ZNRF2: variants seen among roughly 807,000 people sequenced by gnomAD.
ZNRF2 encodes the protein E3 ubiquitin-protein ligase ZNRF2.
ZNRF2 carries 16 observed loss-of-function variants against 20.4 expected under a neutral mutation model. The ratio of observed to expected loss-of-function variants is 0.79; its 90% CI spans 0.53 to 1.19. The LOEUF is 1.19. Ranked by LOEUF, ZNRF2 falls within the 50% of genes most tolerant of loss-of-function variation. The pLI is 0.00. For missense variants in ZNRF2, 363 were observed against 332.4 expected, an observed-to-expected ratio of 1.09 and a Z score of -0.72; for synonymous variants, 178 against 144.9, an observed-to-expected ratio of 1.23 and a Z score of -1.64.
At chr7:30,337,911 T>G (rs1799740838) in intron 2 of ZNRF2, among the ~76,000 whole-genome samples, 1 of 152,116 alleles carries the variant, frequency 6.6e-6, no homozygotes, top group Admixed American at 6.5e-5. Flanking sequence ...TACTACCAGT[T>G]TCTTGTGATC....
At chr7:30,294,785 A>AG (rs1429154928) in intron 1 of ZNRF2, among the ~76,000 whole-genome samples, 1 of 152,048 alleles carries the variant, frequency 6.6e-6, no homozygotes, top group Non-Finnish European at 1.5e-5. Context: ...ACTCCATCTC[A>AG]GAAAAAAAAA....
chr7:30,315,177 C>G (rs1385108263), intron 1 of ZNRF2, among the ~76,000 whole-genome samples: 1 of 152,078 alleles, frequency 6.6e-6, no homozygotes, highest in Non-Finnish European at 1.5e-5. Context: ...TTGATTTGCT[C>G]ATGGTACCTA....
intron 2 of ZNRF2, among the ~76,000 whole-genome samples, chr7:30,341,487 G>A (rs190378275): frequency 1.3e-5 from 2 of 152,038 alleles, no homozygotes; most frequent in Admixed American, 6.6e-5. Context: ...CCTTAATTTT[G>A]TTATTTACCC....
At chr7:30,363,238 A>T (rs1800155868) in intron 4 of ZNRF2, among the ~76,000 whole-genome samples, 1 of 152,218 alleles carries the variant, frequency 6.6e-6, no homozygotes, top group Non-Finnish European at 1.5e-5. Context: ...CTCAAAAACA[A>T]CCAAACCAAA....
intron 2 of ZNRF2, among the ~76,000 whole-genome samples, chr7:30,336,013 G>A (rs1799711607): frequency 1.3e-5 from 2 of 152,128 alleles, no homozygotes; most frequent in Non-Finnish European, 2.9e-5. Context: ...GATTTTGAGA[G>A]TACCTAGCTG....
chr7:30,349,834 A>G (rs1056584846), intron 2 of ZNRF2, among the ~76,000 whole-genome samples: 4 of 152,114 alleles, frequency 2.6e-5, no homozygotes, highest in African/African-American at 7.2e-5. Context: ...TCTGTATTCA[A>G]TAGTTCCATT....
rs377207851 is a variant in ZNRF2, at chr7:30,363,606, C to T, written c.*22+1150C>T. 3.7e-4 allele frequency among the ~76,000 whole-genome samples: 56 copies of T among 152,204 alleles called. 1 individual carries two copies. In the South Asian group the frequency reaches 8.7e-3, roughly 24 times the overall value. On this transcript the variant is annotated intron_variant, in intron 4 of 4. Transcript: ENST00000323037. ...TATATCTTTAGCATGTAATACAGTG[C>T]CTGTCTATATAGTAGGCAAAAAATA...
In ZNRF2 at chr7:30,317,939, C is replaced by T. The variant is rs1477583740; in HGVS notation, c.470-5703C>T. Among the ~76,000 whole-genome samples, 6 of 152,302 alleles carry T rather than the reference C, an allele frequency of 3.9e-5. No individual in the cohort carries two copies. The East Asian group carries it at 1.2e-3, about 29-fold the overall frequency. ...GCTGTAAAAATCTCCTGAACCCATT[C>T]CTCTGTCACTGATTCATTCCATTGT... is the stretch of plus-strand genomic sequence containing the variant. On this transcript the variant is annotated intron_variant, in intron 1 of 4. Coordinates refer to ENST00000323037, the MANE Select transcript of ZNRF2 (RefSeq NM_147128.4).
chr7:30,314,824 T>TG (rs1799344204), intron 1 of ZNRF2, among the ~76,000 whole-genome samples: 1 of 139,752 alleles, frequency 7.2e-6, no homozygotes, highest in African/African-American at 2.7e-5. Flanking sequence ...TATGTATGTA[T>TG]TTTTTTTTTT....
rs191938589 is a variant in ZNRF2 at position 30,293,686 on chromosome 7, T to G, written c.469+7860T>G. Among the ~76,000 whole-genome samples, 968 of 152,320 alleles carry G rather than the reference T, an allele frequency of 6.4e-3. 10 individuals are homozygous for G. The highest frequency in any genetic ancestry group is 5.6e-3 in the Non-Finnish European group (378 of 68,024). On this transcript the variant is annotated intron_variant, in intron 1 of 4. Transcript: ENST00000323037. ...GTATAATCTTTGGGACTACGTAAAATTTTTTAACCCATAAAAACTTGTGAG... is the reference window on the plus strand; with the variant it reads ...GTATAATCTTTGGGACTACGTAAAAGTTTTTAACCCATAAAAACTTGTGAG...
At chr7:30,285,953 C>G in intron 1 of ZNRF2, 127 bp downstream of exon 1, 1 of 1,321,710 alleles carries the variant, frequency 7.6e-7, no homozygotes, top group Non-Finnish European at 9.6e-7. Flanking sequence ...CCTCCCGGAC[C>G]AGCCCGCGTC....
chr7:30,355,532 T>C (rs375125910), intron 2 of ZNRF2, among the ~76,000 whole-genome samples, 196 bp from the exon 3 acceptor site: 2 of 152,154 alleles, frequency 1.3e-5, no homozygotes, highest in South Asian at 4.1e-4. Context: ...CGTGAGACAA[T>C]GGAAGTAAAG....
intron 2 of ZNRF2, among the ~76,000 whole-genome samples, chr7:30,333,483 C>T (rs920329906): frequency 6.6e-6 from 1 of 151,950 alleles, no homozygotes; most frequent in Non-Finnish European, 1.5e-5. Flanking sequence ...AATTATCCTG[C>T]CCCAGCCTTC....
intron 1 of ZNRF2, among the ~76,000 whole-genome samples, chr7:30,310,228 C>T (rs1415654924): frequency 2.0e-5 from 3 of 152,212 alleles, no homozygotes. Context: ...CTGACTGGAA[C>T]ATCTTCATTA....
At chr7:30,356,031 T>G (rs1800031059) in intron 3 of ZNRF2, among the ~76,000 whole-genome samples, 198 bp downstream of exon 3, 1 of 152,192 alleles carries the variant, frequency 6.6e-6, no homozygotes, top group Non-Finnish European at 1.5e-5. Flanking sequence ...GCTACTATTT[T>G]TAAAGCATTT....
chr7:30,296,915 A>T (rs1379562310), intron 1 of ZNRF2, among the ~76,000 whole-genome samples: 1 of 152,182 alleles, frequency 6.6e-6, no homozygotes, highest in Non-Finnish European at 1.5e-5. Flanking sequence ...AGTCGGTGGT[A>T]GAGTAGATAA....
intron 3 of ZNRF2, among the ~76,000 whole-genome samples, chr7:30,360,071 A>G (rs763044961): frequency 1.3e-5 from 2 of 152,220 alleles, no homozygotes; most frequent in African/African-American, 2.4e-5. Context: ...TACATATTCT[A>G]CAACTCAGTA....
chr7:30,349,402 C>T (rs867983633), intron 2 of ZNRF2, among the ~76,000 whole-genome samples: 35 of 152,096 alleles, frequency 2.3e-4, no homozygotes, highest in African/African-American at 8.2e-4. Context: ...CAAACTCAGA[C>T]TCCCTTCTTG....
intron 3 of ZNRF2, among the ~76,000 whole-genome samples, chr7:30,359,046 C>CTCCTA (rs1800083427): frequency 6.6e-6 from 1 of 152,108 alleles, no homozygotes; most frequent in African/African-American, 2.4e-5. Flanking sequence ...AAAGAATGAA[C>CTCCTA]TATTCAATAA....
Sources: allele counts gnomAD v4.1 joint callset (sites outside exome capture counted in the v4.1 genomes callset), GRCh38; gene constraint gnomAD v4.1.1; transcripts MANE v1.5; gene names NCBI Gene and HGNC (gene_info 2026-07-23, HGNC 2026-07-21).